Variants in FREM1 observed in about 807,000 individuals in gnomAD.
The protein encoded by FREM1 is FRAS1 related extracellular matrix 1, also known as FRAS1-related extracellular matrix protein 1.
A neutral mutation model predicts 210.1 loss-of-function variants in FREM1; 220 were observed. The ratio of observed to expected loss-of-function variants is 1.05; its 90% confidence interval spans 0.94 to 1.17. FREM1 has a LOEUF of 1.17. Among genes scored for constraint, FREM1 ranks in the 50% most tolerant of loss-of-function variants. The pLI, the probability that FREM1 is intolerant of heterozygous loss-of-function variation, is 0.00. For synonymous variants in FREM1, 1,189 were observed against 980.2 expected, an observed-to-expected ratio of 1.21 and a Z score of -3.98; for missense variants, 3,454 against 2,675.5, an observed-to-expected ratio of 1.29 and a Z score of -6.42.
At chr9:14,773,599 G>A (rs1008848078) in intron 25 of FREM1, among the ~76,000 whole-genome samples, 6 of 119,038 alleles carry the variant, frequency 5.0e-5, no homozygotes, top group Admixed American at 1.1e-4. Flanking sequence ...GTTTTTACAC[G>A]TAATGATTTT....
At position 14,824,071 on chromosome 9, in the gene FREM1, T is replaced by G; in HGVS notation, c.2123A>C (p.Lys708Thr). 6.3e-7 allele frequency: 1 copy of G among 1,592,076 alleles called. No individual in the cohort carries two copies. Among genetic ancestry groups the G allele is most frequent in the Non-Finnish European group, 8.6e-7 (1 of 1,168,062 alleles). ...CAGGGCCGTAGGATTCTTAACTACT[T>G]TTGGTATGCTGTCCACCATAAATAA... is the stretch of plus-strand genomic sequence containing the variant. ...GKLFMVDSIPKVVKNPTALEL... is the reference protein window; with the variant it reads ...GKLFMVDSIPTVVKNPTALEL... Residue 708 changes from lysine (K) to threonine (T), a missense_variant, in exon 12 of 37, where the codon AAA (lysine) becomes ACA (threonine). Coordinates refer to ENST00000380880, the MANE Select transcript of FREM1 (RefSeq NM_001379081.2).
Position 14,869,196 on chromosome 9 carries a change from C to G in FREM1, c.-219G>C, listed in dbSNP as rs1832113994. 2 of 465,446 alleles carry G rather than the reference C, an allele frequency of 4.3e-6. No individual in the cohort carries two copies. Among genetic ancestry groups the G allele is most frequent in the Admixed American group, 3.4e-5 (1 of 29,054 alleles). The allele number at this position is 465,446 out of a possible 1,614,324, so 28.8% of individuals were successfully genotyped here. A position where few individuals can be genotyped will look rare whatever the true frequency, so the allele number is the denominator to read the frequency against. On this transcript the variant is annotated 5_prime_UTR_variant, in exon 2 of 37. Transcript: ENST00000380880. ...CTTTTAATAAAACTCGCTGATCACTCCTGACAACGCCGGCAAGATTAATGG... is the reference window on the plus strand; with the variant it reads ...CTTTTAATAAAACTCGCTGATCACTGCTGACAACGCCGGCAAGATTAATGG...
rs1320338697 is a variant in FREM1 at position 14,746,483 on chromosome 9, T to C, written c.6139-15A>G. On this transcript the variant is annotated splice_polypyrimidine_tract_variant and intron_variant, in intron 34 of 36. Coordinates refer to ENST00000380880, the MANE Select transcript of FREM1 (RefSeq NM_001379081.2). ...TCTTCCACATCCTGAAAAACAGTTG[T>C]CTGTGTTCATATCATAATGGTCTTT... 1.9e-6 allele frequency: 3 copies of C among 1,586,360 alleles called. No individual in the cohort carries two copies. Among genetic ancestry groups the C allele is most frequent in the Admixed American group, 3.3e-5 (2 of 59,952 alleles).
intron 30 of FREM1, among the ~76,000 whole-genome samples, chr9:14,749,165 T>C (rs1238463211): frequency 3.9e-5 from 6 of 152,226 alleles, no homozygotes; most frequent in Admixed American, 3.9e-4. Flanking sequence ...CCAATTAGTA[T>C]TTCTGGGAAG....
At chr9:14,791,502 C>G (rs1327925096) in intron 22 of FREM1, among the ~76,000 whole-genome samples, 1 of 152,174 alleles carries the variant, frequency 6.6e-6, no homozygotes, top group African/African-American at 2.4e-5. Flanking sequence ...TGGGATGACT[C>G]CCACGTGAAG....
At chr9:14,800,052 G>A (rs1047980482) in intron 20 of FREM1, among the ~76,000 whole-genome samples, 1 of 150,264 alleles carries the variant, frequency 6.7e-6, no homozygotes, top group Non-Finnish European at 1.5e-5. Flanking sequence ...GCAGTGTTTG[G>A]TTATAAATGC....
At chr9:14,910,716 C>CA (rs1818569108), upstream of FREM1, 1 of 152,510 alleles carries the variant, frequency 6.6e-6, no homozygotes, top group Admixed American at 6.5e-5. Context: ...CACACGGGGG[C>CA]ACACACATAC....
intron 19 of FREM1, 108 bp from the exon 20 acceptor site, chr9:14,801,982 T>C: frequency 2.6e-6 from 2 of 766,500 alleles, no homozygotes. Context: ...TCAAATTTTC[T>C]ATGAGATTTA....
Position 14,869,029 on chromosome 9 carries a change from G to A in FREM1, c.-52C>T. The A allele has an allele frequency of 7.6e-7, 1 of 1,314,080 alleles. No individual in the cohort carries two copies. Among genetic ancestry groups the A allele is most frequent in the African/African-American group, 1.5e-5 (1 of 68,274 alleles). The allele number at this position is 1,314,080 out of a possible 1,614,324, so 81.4% of individuals were successfully genotyped here. Reference sequence around the variant, plus strand: ...CCACCGGCGAAATCCCTTTAACAAAGGAGGGCTTCTGTGCTTCCTCCTGGA... The same window carrying A: ...CCACCGGCGAAATCCCTTTAACAAAAGAGGGCTTCTGTGCTTCCTCCTGGA... On this transcript the variant is annotated 5_prime_UTR_variant, in exon 2 of 37. Transcript: ENST00000380880.
Position 14,770,693 on chromosome 9 carries a change from C to G in FREM1, c.4971G>C (p.Lys1657Asn), listed in dbSNP as rs1403655308. ...CGTCCTCAGTGTCAGGGTCTGATGC[C>G]TTCAACACGCGGGAAGTGATGTAAA... Reference protein sequence around the residue: ...YGIYITSRVLKASDPDTEDDQ... With the variant: ...YGIYITSRVLNASDPDTEDDQ... The change falls in exon 26 of 37, where the codon AAG becomes AAC. Residue 1657 changes from lysine to asparagine, a missense_variant. Lys to Asn is a moderately conservative substitution (Grantham distance 94). Coordinates refer to ENST00000380880, the MANE Select transcript of FREM1 (RefSeq NM_001379081.2). The G allele has an allele frequency of 1.2e-6, 2 of 1,613,314 alleles. No homozygotes were observed. Among genetic ancestry groups the G allele is most frequent in the Non-Finnish European group, 1.7e-6 (2 of 1,179,498 alleles).
intron 27 of FREM1, among the ~76,000 whole-genome samples, chr9:14,763,050 T>C (rs1483665342): frequency 6.6e-6 from 1 of 152,242 alleles, no homozygotes; most frequent in Non-Finnish European, 1.5e-5. Flanking sequence ...CCTGTCACCA[T>C]TGAGTGACGC....
At chr9:14,821,174 A>G (rs1370330237) in intron 13 of FREM1, among the ~76,000 whole-genome samples, 1 of 152,102 alleles carries the variant, frequency 6.6e-6, no homozygotes, top group Non-Finnish European at 1.5e-5. Context: ...GGAATTCTAC[A>G]TAAGGGATCA....
In FREM1 at chr9:14,804,943, A is replaced by G. The variant is rs1818081275; in HGVS notation, c.3471+13T>C. 4 of 1,576,710 alleles carry G rather than the reference A, an allele frequency of 2.5e-6. No homozygotes were observed. The African/African-American group carries it at 4.0e-5, about 16-fold the overall frequency. ...GATAAAAGAGAAATGGAACATTTGG[A>G]TATGTTTCTTACAGTAATATTCTGC... On this transcript the variant is annotated intron_variant, in intron 19 of 36. Transcript: ENST00000380880.
In FREM1 at chr9:14,808,059, A is replaced by G; in HGVS notation, c.2969T>C (p.Val990Ala). The change falls in exon 17 of 37, where the codon GTG (valine) becomes GCG (alanine). Residue 990 changes from valine (V) to alanine (A), a missense_variant. By Grantham distance (64) the Val-to-Ala change is moderately conservative. Transcript: ENST00000380880. ...GGGTCCATTGTAGCAACAGCCATTC[A>G]CAAAAGGGCCAGCCTCTCCATCCGA... ...VVSDGEAGPF[V>A]NGCCYNGPNP... The G allele has an allele frequency of 1.2e-6, 2 of 1,613,768 alleles. No homozygotes were observed. The highest frequency in any genetic ancestry group is 1.7e-6 in the Non-Finnish European group (2 of 1,179,768).
At chr9:14,874,987 A>C (rs1833419430) in intron 1 of FREM1, among the ~76,000 whole-genome samples, 1 of 152,182 alleles carries the variant, frequency 6.6e-6, no homozygotes, top group Non-Finnish European at 1.5e-5. Context: ...AGAATCTTGA[A>C]TATTGGCCCC....
At chr9:14,782,329 C>T (rs572101886) in intron 24 of FREM1, 14 of 977,610 alleles carry the variant, frequency 1.4e-5, no homozygotes, top group African/African-American at 5.2e-5. Flanking sequence ...TCGTTTCATA[C>T]GGAGGTTTTG....
At chr9:14,887,262 C>A (rs1835981535) in intron 1 of FREM1, among the ~76,000 whole-genome samples, 1 of 152,146 alleles carries the variant, frequency 6.6e-6, no homozygotes, top group Admixed American at 6.5e-5. Context: ...ACTGACCTTA[C>A]AACTCCCTGA....
At chr9:14,810,513 A>T (rs1413124106) in intron 16 of FREM1, among the ~76,000 whole-genome samples, 1 of 152,162 alleles carries the variant, frequency 6.6e-6, no homozygotes, top group African/African-American at 2.4e-5. Flanking sequence ...GTGCAGTGGC[A>T]TGATCTTGGC....
At chr9:14,772,002 T>C (rs151024417) in intron 25 of FREM1, among the ~76,000 whole-genome samples, 2,305 of 152,228 alleles carry the variant, frequency 0.015, 60 homozygotes, top group African/African-American at 0.052. Context: ...ACAAATGTGT[T>C]CATTTCTTTT....
Sources: gnomAD v4.1 joint callset for allele counts (sites outside exome capture counted in the v4.1 genomes callset) on GRCh38, gnomAD v4.1.1 for gene constraint, MANE v1.5 for transcripts, NCBI Gene and HGNC (gene_info 2026-07-23, HGNC 2026-07-21) for gene names.